RAB30: variants seen among roughly 807,000 people sequenced by gnomAD.
RAB30 encodes the protein ras-related protein Rab-30.
In RAB30, 9 loss-of-function variants were observed where a neutral mutation model predicts 25.1. The ratio of observed to expected loss-of-function variants is 0.36; its 90% confidence interval spans 0.22 to 0.63. The LOEUF is 0.63. RAB30 is among the 20% of genes least tolerant of loss of function. The pLI is 0.69. For missense variants in RAB30, 140 were observed against 243.5 expected (o/e 0.58, Z 2.83); for synonymous variants, 77 against 86.4 (o/e 0.89, Z 0.60).
chr11:83,054,772 T>C lies in RAB30; in HGVS notation c.-9+16919A>G, dbSNP rs577922362. On this transcript the variant is annotated intron_variant, in intron 1 of 4. Coordinates refer to ENST00000527633, the MANE Select transcript of RAB30 (RefSeq NM_001286060.2). ...GCCCCAGCTACTCAGGAGGCTGAGG[T>C]GGGCAGACTGATTGAGCATGGGAGG... 5.3e-5 allele frequency among the ~76,000 whole-genome samples: 8 copies of C among 151,652 alleles called. No individual in the cohort carries two copies. In the East Asian group the frequency reaches 1.4e-3, roughly 26 times the overall value.
At position 83,008,070 on chromosome 11, in the gene RAB30, G is replaced by A. The variant is rs78849660; in HGVS notation, c.-8-10746C>T. On this transcript the variant is annotated intron_variant, in intron 1 of 4. Coordinates refer to ENST00000527633, the MANE Select transcript of RAB30 (RefSeq NM_001286060.2). ...CGTGTCTAATCTTTCCTCTGCAGAA[G>A]CTTCCCTGCGCCTGCTTGGCTGGAC... 6.9e-3 allele frequency among the ~76,000 whole-genome samples: 1,050 copies of A among 152,318 alleles called. 18 individuals are homozygous for A. Among genetic ancestry groups the A allele is most frequent in the African/African-American group, 0.023 (946 of 41,568 alleles).
chr11:83,040,297 C>T (rs1364322831), intron 1 of RAB30, among the ~76,000 whole-genome samples: 2 of 152,120 alleles, frequency 1.3e-5, no homozygotes, highest in African/African-American at 4.8e-5. Context: ...CATTGAATAA[C>T]ACTATTTTGG....
intron 3 of RAB30, among the ~76,000 whole-genome samples, chr11:82,993,683 G>C (rs182220157): frequency 6.6e-6 from 1 of 152,168 alleles, no homozygotes; most frequent in African/African-American, 2.4e-5. Flanking sequence ...TGTAGAAATC[G>C]GGAGGCTCTT....
At chr11:83,044,134 G>A (rs934167621) in intron 1 of RAB30, among the ~76,000 whole-genome samples, 1 of 152,242 alleles carries the variant, frequency 6.6e-6, no homozygotes, top group African/African-American at 2.4e-5. Flanking sequence ...ATTATTTTTT[G>A]TTGGAAAACA....
At chr11:83,049,310 T>C (rs1004089505) in intron 1 of RAB30, among the ~76,000 whole-genome samples, 5 of 151,460 alleles carry the variant, frequency 3.3e-5, no homozygotes, top group Admixed American at 3.3e-4. Flanking sequence ...TCTCGGGAGG[T>C]TGAGGCAGGA....
At chr11:83,031,251 A>T (rs184083442) in intron 1 of RAB30, among the ~76,000 whole-genome samples, 5 of 152,252 alleles carry the variant, frequency 3.3e-5, no homozygotes, top group African/African-American at 1.2e-4. Context: ...AGACTATCCG[A>T]ATAAAAACAA....
rs1435595929 is a variant in RAB30, at chr11:82,977,609, C to T, written c.*4556G>A. On this transcript the variant is annotated 3_prime_UTR_variant, in exon 5 of 5. Transcript: ENST00000527633. Reference sequence around the variant, plus strand: ...TGTCCCTACGGCCTCATTCAGTAGGCCTCATTCCACCCCTCTGAACCACAG... The same window carrying T: ...TGTCCCTACGGCCTCATTCAGTAGGTCTCATTCCACCCCTCTGAACCACAG... The T allele has an allele frequency of 6.6e-6, 1 of 152,166 alleles. No individual in the cohort carries two copies. The highest frequency in any genetic ancestry group is 1.5e-5 in the Non-Finnish European group (1 of 68,034). 9.4% of individuals were successfully genotyped at this position (152,166 alleles called of 1,614,324 possible). A position where few individuals can be genotyped will look rare whatever the true frequency, so the allele number is the denominator to read the frequency against.
intron 1 of RAB30, among the ~76,000 whole-genome samples, chr11:83,048,959 A>G (rs1858292785): frequency 6.6e-6 from 1 of 152,234 alleles, no homozygotes; most frequent in African/African-American, 2.4e-5. Context: ...GAGCTGGAGC[A>G]TCCACTCAAG....
At chr11:82,993,197 G>C (rs1164319552) in intron 3 of RAB30, among the ~76,000 whole-genome samples, 2 of 152,130 alleles carry the variant, frequency 1.3e-5, no homozygotes, top group Non-Finnish European at 2.9e-5. Flanking sequence ...TAGGCCTAGT[G>C]TGCCTTTCTT....
chr11:82,998,934 G>A (rs568899787), intron 1 of RAB30, among the ~76,000 whole-genome samples: 18 of 152,298 alleles, frequency 1.2e-4, no homozygotes, highest in African/African-American at 4.1e-4. Context: ...GCAGAGAGGA[G>A]AGCCCAATTA....
At chr11:83,003,349 A>G (rs1488408794) in intron 1 of RAB30, among the ~76,000 whole-genome samples, 1 of 151,936 alleles carries the variant, frequency 6.6e-6, no homozygotes, top group Non-Finnish European at 1.5e-5. Flanking sequence ...ATCATCTATC[A>G]TCTCTTTCCC....
intron 1 of RAB30, among the ~76,000 whole-genome samples, chr11:83,069,365 C>T (rs769300309): frequency 1.3e-5 from 2 of 152,314 alleles, no homozygotes; most frequent in African/African-American, 4.8e-5. Context: ...ACTTTCCACA[C>T]CTAGAGGAGC....
chr11:83,070,786 C>T lies in RAB30; in HGVS notation c.-9+905G>A, dbSNP rs59263037. Among the ~76,000 whole-genome samples, 2,894 of 152,284 alleles carry T rather than the reference C, an allele frequency of 0.019. 143 individuals carry two copies. The East Asian group carries it at 0.2, about 10-fold the overall frequency. On this transcript the variant is annotated intron_variant, in intron 1 of 4. Coordinates refer to ENST00000527633, the MANE Select transcript of RAB30 (RefSeq NM_001286060.2). ...TTCCATGGGCACCTTTCAGTAATGG[C>T]AAATGAAGGTTAACAGCGCTTCTAA...
intron 1 of RAB30, among the ~76,000 whole-genome samples, chr11:83,010,172 T>G (rs1857274076): frequency 6.6e-6 from 1 of 152,196 alleles, no homozygotes; most frequent in Admixed American, 6.5e-5. Context: ...ATACTTGGAC[T>G]GGGCGTGGTG....
intron 1 of RAB30, among the ~76,000 whole-genome samples, chr11:83,056,712 GC>G (rs1465896785): frequency 6.6e-6 from 1 of 152,176 alleles, no homozygotes; most frequent in Non-Finnish European, 1.5e-5. Context: ...TCCTGGATCT[GC>G]CTCTTAGCTA....
intron 3 of RAB30, among the ~76,000 whole-genome samples, chr11:82,992,722 C>G (rs966788816): frequency 4.8e-5 from 7 of 144,402 alleles, no homozygotes; most frequent in Admixed American, 2.1e-4. Flanking sequence ...CTCTCTTTCT[C>G]TCTCTCTGTC....
chr11:83,053,907 T>C (rs1335977355), intron 1 of RAB30, among the ~76,000 whole-genome samples: 1 of 152,140 alleles, frequency 6.6e-6, no homozygotes, highest in Admixed American at 6.5e-5. Flanking sequence ...ATGGCCAACA[T>C]GACGAAACCC....
intron 1 of RAB30, among the ~76,000 whole-genome samples, chr11:83,018,511 T>C (rs1857493281): frequency 6.6e-6 from 1 of 152,222 alleles, no homozygotes; most frequent in East Asian, 1.9e-4. Flanking sequence ...TCTATTTATG[T>C]CCTTTGACCA....
At chr11:83,014,697 A>AAGG in intron 1 of RAB30, among the ~76,000 whole-genome samples, 2 of 150,144 alleles carry the variant, frequency 1.3e-5, no homozygotes, top group Middle Eastern at 3.4e-3. Context: ...AAAGAAAGAG[A>AAGG]AAGGAAGGAA....
Sources: gnomAD v4.1 joint callset for allele counts (sites outside exome capture counted in the v4.1 genomes callset) on GRCh38, gnomAD v4.1.1 for gene constraint, MANE v1.5 for transcripts, NCBI Gene and HGNC (gene_info 2026-07-23, HGNC 2026-07-21) for gene names.